The following COBL variants were observed in gnomAD, a reference collection of about 807,000 sequenced individuals.
The protein encoded by COBL is protein cordon-bleu.
In COBL, 51 loss-of-function variants were observed where a neutral mutation model predicts 98.8. The observed-to-expected ratio is 0.52, with a 90% CI of 0.41 to 0.65. The LOEUF (loss-of-function observed/expected upper bound fraction) is 0.65. COBL is among the 30% of genes least tolerant of loss of function. COBL has a pLI of 0.00. For synonymous variants in COBL, 634 were observed against 651.7 expected, an observed-to-expected ratio of 0.97 and a Z score of 0.41; for missense variants, 1,617 against 1,617.5, an observed-to-expected ratio of 1.00 and a Z score of 0.01.
At chr7:51,188,421 C>A (rs1480841987) in intron 4 of COBL, among the ~76,000 whole-genome samples, 2 of 152,238 alleles carry the variant, frequency 1.3e-5, no homozygotes, top group Non-Finnish European at 2.9e-5. Context: ...GGCCTCTGGA[C>A]AAGTGTCTTT....
chr7:51,256,348 A>T (rs1365729846), intron 1 of COBL, among the ~76,000 whole-genome samples: 1 of 152,190 alleles, frequency 6.6e-6, no homozygotes. Context: ...GGGTCCCACC[A>T]TTCCACTCTC....
chr7:51,189,314 A>G (rs1414790233), intron 4 of COBL, among the ~76,000 whole-genome samples: 2 of 152,186 alleles, frequency 1.3e-5, no homozygotes, highest in East Asian at 1.9e-4. Flanking sequence ...CACTATGATC[A>G]TGGATTTCAC....
At chr7:51,057,931 TACCCTCCTATGACC>T (rs1790929181) in intron 7 of COBL, among the ~76,000 whole-genome samples, 1 of 152,190 alleles carries the variant, frequency 6.6e-6, no homozygotes, top group South Asian at 2.1e-4. Flanking sequence ...TTATTACGGA[TACCCTCCTATGACC>T]ACATTCTACC....
At chr7:51,240,758 G>C (rs1474043659) in intron 1 of COBL, among the ~76,000 whole-genome samples, 2 of 152,070 alleles carry the variant, frequency 1.3e-5, no homozygotes, top group East Asian at 1.9e-4. Context: ...GGCCAGGCTG[G>C]TCTTGAACTC....
At chr7:51,279,081 C>T (rs1235979223) in intron 1 of COBL, among the ~76,000 whole-genome samples, 1 of 152,252 alleles carries the variant, frequency 6.6e-6, no homozygotes, top group African/African-American at 2.4e-5. Context: ...CCTGCACTGA[C>T]AGTGAATAAT....
intron 1 of COBL, among the ~76,000 whole-genome samples, chr7:51,306,199 AG>A (rs1177229557): frequency 6.6e-6 from 1 of 152,194 alleles, no homozygotes; most frequent in Non-Finnish European, 1.5e-5. Context: ...GCCACACACC[AG>A]GGCTATTTTC....
chr7:51,152,235 T>C (rs1375621614), intron 5 of COBL, among the ~76,000 whole-genome samples: 2 of 152,222 alleles, frequency 1.3e-5, no homozygotes, highest in Admixed American at 6.5e-5. Context: ...AGCTGTTCAA[T>C]TCTGATTTAA....
In COBL at chr7:51,025,274, C is replaced by G; in HGVS notation, c.3603G>C (p.Leu1201=). 2 of 1,610,226 alleles carry G rather than the reference C, an allele frequency of 1.2e-6. No homozygotes were observed. The highest frequency in any genetic ancestry group is 1.1e-5 in the South Asian group (1 of 90,930). ...GTGGTGGGGGAATGGCTGGTGGGGA[C>G]AGAAGACCAAGGTCTTCTAGCAGAG... ...ESPLLEDLGL[L]SPPAIPPPPP... Residue 1201 remains leucine, a synonymous_variant, in exon 12 of 13, where the codon CTG becomes CTC. Transcript: ENST00000265136.
chr7:51,230,911 G>C (rs953453171), intron 1 of COBL, among the ~76,000 whole-genome samples: 2 of 152,198 alleles, frequency 1.3e-5, no homozygotes, highest in Non-Finnish European at 2.9e-5. Flanking sequence ...AGTCACAAAA[G>C]AGGAAGTCAC....
chr7:51,161,553 T>G (rs1302215793), intron 5 of COBL, among the ~76,000 whole-genome samples: 1 of 152,206 alleles, frequency 6.6e-6, no homozygotes, highest in South Asian at 2.1e-4. Flanking sequence ...TGAAACACTA[T>G]AATGACACTA....
At chr7:51,105,545 T>C (rs193200582) in intron 6 of COBL, among the ~76,000 whole-genome samples, 1 of 152,292 alleles carries the variant, frequency 6.6e-6, no homozygotes, top group African/African-American at 2.4e-5. Flanking sequence ...GCCCAGGAAT[T>C]TGAGACCAGC....
chr7:51,046,551 G>C (rs1049157976), intron 7 of COBL, among the ~76,000 whole-genome samples: 1 of 152,124 alleles, frequency 6.6e-6, no homozygotes, highest in African/African-American at 2.4e-5. Flanking sequence ...TCTTCCTTCA[G>C]CTGGTTCCGA....
chr7:51,170,616 C>T (rs944731009), intron 5 of COBL, among the ~76,000 whole-genome samples: 1 of 148,528 alleles, frequency 6.7e-6, no homozygotes, highest in African/African-American at 2.5e-5. Context: ...AAAAAGAAAA[C>T]AATCCTGTCA....
intron 5 of COBL, among the ~76,000 whole-genome samples, chr7:51,137,377 C>T (rs892236482): frequency 6.6e-6 from 1 of 152,250 alleles, no homozygotes; most frequent in East Asian, 1.9e-4. Flanking sequence ...ATAATAGTTC[C>T]TGCATTACAA....
intron 5 of COBL, among the ~76,000 whole-genome samples, chr7:51,161,536 C>T (rs928959486): frequency 6.6e-6 from 1 of 152,186 alleles, no homozygotes. Context: ...TAAGCTCCGT[C>T]CATCTGTGAA....
intron 6 of COBL, among the ~76,000 whole-genome samples, chr7:51,089,237 G>T (rs1794572766): frequency 6.6e-6 from 1 of 152,102 alleles, no homozygotes. Flanking sequence ...CCGCAGGCTG[G>T]GCACAGTGAC....
chr7:51,151,143 C>T (rs1231528202), intron 5 of COBL, among the ~76,000 whole-genome samples: 2 of 152,148 alleles, frequency 1.3e-5, no homozygotes, highest in Non-Finnish European at 2.9e-5. Context: ...TCGGCTCTTT[C>T]CCATACTATT....
In COBL at chr7:51,029,515, CT is replaced by C; in HGVS notation, c.1580del (p.Gln527ArgfsTer4). 1 of 1,614,050 alleles carries C rather than the reference CT, an allele frequency of 6.2e-7. No homozygotes were observed. The highest frequency in any genetic ancestry group is 8.5e-7 in the Non-Finnish European group (1 of 1,179,922). ...TGTCGCCGTGAGGGATCATGGCATC[CT>C]GTGGGCAGTGGTTGGATGCACCATG... ...SIHGASNHCP[Q>X]DAMIPHGDTD... is the part of the protein sequence containing the mutation. On this transcript the variant is annotated frameshift_variant, in exon 10 of 13. Transcript: ENST00000265136. LOFTEE classifies it high-confidence loss of function.
intron 1 of COBL, among the ~76,000 whole-genome samples, chr7:51,296,052 A>G (rs1801393516): frequency 6.6e-6 from 1 of 152,156 alleles, no homozygotes; most frequent in Admixed American, 6.5e-5. Context: ...CCCACCCTAC[A>G]AGTAGAACTA....
Sources: gnomAD v4.1 joint callset for allele counts (sites outside exome capture counted in the v4.1 genomes callset) on GRCh38, gnomAD v4.1.1 for gene constraint, MANE v1.5 for transcripts, NCBI Gene and HGNC (gene_info 2026-07-23, HGNC 2026-07-21) for gene names.